Variants in NXN observed in about 807,000 individuals in gnomAD.
NXN encodes the protein nucleoredoxin, also known as nucleoredoxin 1.
A neutral mutation model predicts 48.6 loss-of-function variants in NXN; 16 were observed. That is an observed-to-expected ratio of 0.33 (90% CI 0.22 to 0.50). The LOEUF (loss-of-function observed/expected upper bound fraction) is 0.50. Among genes scored for constraint, NXN ranks in the 20% least tolerant of loss-of-function variants. The probability of loss-of-function intolerance (pLI) is 0.98; values close to 1 mark genes in which losing one functional copy is unlikely to be tolerated. For synonymous variants in NXN, 281 were observed against 269.6 expected (o/e 1.04, Z -0.41); for missense variants, 492 against 605.5 (o/e 0.81, Z 1.97).
At chr17:965,550 A>T (rs2069291981) in intron 1 of NXN, among the ~76,000 whole-genome samples, 1 of 152,162 alleles carries the variant, frequency 6.6e-6, no homozygotes, top group Non-Finnish European at 1.5e-5. Flanking sequence ...CTGAATCATA[A>T]TCCAATCAGG....
At chr17:897,820 T>C (rs1446050702) in intron 1 of NXN, among the ~76,000 whole-genome samples, 2 of 152,098 alleles carry the variant, frequency 1.3e-5, no homozygotes, top group Admixed American at 6.6e-5. Context: ...GGACTACAGG[T>C]GCCCGCCACC....
At chr17:925,632 G>A (rs939778857) in intron 1 of NXN, among the ~76,000 whole-genome samples, 9 of 152,196 alleles carry the variant, frequency 5.9e-5, no homozygotes, top group African/African-American at 1.4e-4. Context: ...CAGGTGATCC[G>A]CCCGCCTCAG....
At chr17:972,126 C>T (rs1031578193) in intron 1 of NXN, among the ~76,000 whole-genome samples, 1 of 152,178 alleles carries the variant, frequency 6.6e-6, no homozygotes. Flanking sequence ...CATGGTGAAA[C>T]CCCATCTCTA....
chr17:861,532 C>T (rs2068040611), intron 1 of NXN, among the ~76,000 whole-genome samples: 1 of 152,168 alleles, frequency 6.6e-6, no homozygotes, highest in African/African-American at 2.4e-5. Context: ...ACCATCCCTC[C>T]ACCAAAGGGA....
In NXN at chr17:967,248, G is replaced by A. The variant is rs75638153; in HGVS notation, c.360+12071C>T. ...AGTGACCAGTTATGGGATCAAGGGC[G>A]ACCATGCCGGACTCCTGCTGCTGGG... On this transcript the variant is annotated intron_variant, in intron 1 of 7. Transcript: ENST00000336868. Among the ~76,000 whole-genome samples, 1,074 of 152,260 alleles carry A rather than the reference G, an allele frequency of 7.1e-3. 5 individuals carry two copies. Among genetic ancestry groups the A allele is most frequent in the Middle Eastern group, 0.034 (10 of 294 alleles).
At chr17:944,412 A>AC (rs1221556981) in intron 1 of NXN, among the ~76,000 whole-genome samples, 2 of 151,982 alleles carry the variant, frequency 1.3e-5, no homozygotes, top group Non-Finnish European at 2.9e-5. Context: ...GCAGGTCCGT[A>AC]CCCCCGTCCG....
At chr17:856,487 CTTTT>C (rs35579004) in intron 1 of NXN, among the ~76,000 whole-genome samples, 17,861 of 120,548 alleles carry the variant, frequency 0.15, 1,250 homozygotes, top group African/African-American at 0.25. Flanking sequence ...AAGTACTTGT[CTTTT>C]TTTTTTTTTT....
chr17:937,287 A>G (rs1200147057), intron 1 of NXN, among the ~76,000 whole-genome samples: 2 of 152,016 alleles, frequency 1.3e-5, no homozygotes. Flanking sequence ...AAAGGAGGGC[A>G]GGGGGCAAGG....
intron 4 of NXN, 40 bp downstream of exon 4, chr17:822,316 AC>A (rs1302141592): frequency 4.4e-6 from 6 of 1,368,646 alleles, no homozygotes; most frequent in Non-Finnish European, 6.2e-6. Flanking sequence ...GATGTCAGCT[AC>A]CTACAGAAAA....
At chr17:805,803 A>G (rs141408578) in intron 5 of NXN, among the ~76,000 whole-genome samples, 2,611 of 152,236 alleles carry the variant, frequency 0.017, 77 homozygotes, top group African/African-American at 0.059. Flanking sequence ...GCACCACTGC[A>G]CTCCAGCCTG....
At chr17:934,915 C>T (rs1376567755) in intron 1 of NXN, among the ~76,000 whole-genome samples, 1 of 152,034 alleles carries the variant, frequency 6.6e-6, no homozygotes, top group South Asian at 2.1e-4. Flanking sequence ...CAGTCCCAAG[C>T]GGACTGTCTG....
At chr17:927,805 A>G (rs558121600) in intron 1 of NXN, among the ~76,000 whole-genome samples, 2 of 152,138 alleles carry the variant, frequency 1.3e-5, no homozygotes, top group Admixed American at 1.3e-4. Flanking sequence ...AGTGAAGCCC[A>G]TTTCAAAAGA....
intron 2 of NXN, among the ~76,000 whole-genome samples, chr17:824,504 C>G (rs1213658864): frequency 6.6e-6 from 1 of 152,190 alleles, no homozygotes; most frequent in East Asian, 1.9e-4. Context: ...CGGGAATCAA[C>G]CCGATACCCG....
intron 1 of NXN, among the ~76,000 whole-genome samples, chr17:938,551 C>T (rs1031176780): frequency 2.4e-4 from 37 of 151,926 alleles, no homozygotes; most frequent in African/African-American, 8.2e-4. Context: ...GGCTTAGTGA[C>T]GAGCCCCTGT....
At chr17:924,375 T>C (rs2068778102) in intron 1 of NXN, among the ~76,000 whole-genome samples, 1 of 152,220 alleles carries the variant, frequency 6.6e-6, no homozygotes, top group African/African-American at 2.4e-5. Context: ...TAGGTGGGAT[T>C]GCAAGGCGTG....
In NXN at chr17:978,838, C is replaced by T. The variant is rs999328863; in HGVS notation, c.360+481G>A. On this transcript the variant is annotated intron_variant, in intron 1 of 7. Coordinates refer to ENST00000336868, the MANE Select transcript of NXN (RefSeq NM_022463.5). The surrounding 1 kb of genome is among the most constrained non-coding windows in gnomAD (Gnocchi z 4.1). ...GCGCCACGGGCGGGGGGCGTGCGCC[C>T]TCCCCTCCCCTCCCCTCCCCACTGT... is the stretch of plus-strand genomic sequence containing the variant. Among the ~76,000 whole-genome samples, 2 of 150,628 alleles carry T rather than the reference C, an allele frequency of 1.3e-5. No individual in the cohort carries two copies. Among genetic ancestry groups the T allele is most frequent in the Non-Finnish European group, 3.0e-5 (2 of 67,516 alleles).
chr17:966,908 G>A (rs1377783736), intron 1 of NXN, among the ~76,000 whole-genome samples: 3 of 152,072 alleles, frequency 2.0e-5, no homozygotes, highest in Non-Finnish European at 4.4e-5. Flanking sequence ...CAAGGACCAG[G>A]GGACTCTCCC....
At chr17:922,780 T>C (rs1441308911) in intron 1 of NXN, among the ~76,000 whole-genome samples, 1 of 151,794 alleles carries the variant, frequency 6.6e-6, no homozygotes, top group Non-Finnish European at 1.5e-5. Flanking sequence ...GCCTCCCGAG[T>C]AGCTGGGACT....
intron 1 of NXN, chr17:959,147 G>T: frequency 1.8e-6 from 1 of 544,420 alleles, no homozygotes. Flanking sequence ...CAAGAGCCGA[G>T]CGCCCCTACG....
Sources: allele counts gnomAD v4.1 joint callset (sites outside exome capture counted in the v4.1 genomes callset), GRCh38; gene constraint gnomAD v4.1.1; non-coding constraint Gnocchi (gnomAD v3.1); transcripts MANE v1.5; gene names NCBI Gene and HGNC (gene_info 2026-07-23, HGNC 2026-07-21).